Variants in TIAM2 observed in about 807,000 individuals in gnomAD.
TIAM2 encodes TIAM Rac1 associated GEF 2.
In TIAM2, 80 loss-of-function variants were observed where a neutral mutation model predicts 152.9. That is an observed-to-expected ratio of 0.52 (90% confidence interval 0.44 to 0.63). The LOEUF (loss-of-function observed/expected upper bound fraction) is 0.63, where lower values mean the gene tolerates loss of function less well. Among genes scored for constraint, TIAM2 ranks in the 30% least tolerant of loss-of-function variants. The probability of loss-of-function intolerance (pLI) is 0.00; values close to 1 mark genes in which losing one functional copy is unlikely to be tolerated. For missense variants in TIAM2, 1,965 were observed against 2,120.1 expected, an observed-to-expected ratio of 0.93 and a Z score of 1.44; for synonymous variants, 804 against 838.0, an observed-to-expected ratio of 0.96 and a Z score of 0.70.
At chr6:155,146,954 T>C (rs1779833000) in intron 6 of TIAM2, among the ~76,000 whole-genome samples, 1 of 152,078 alleles carries the variant, frequency 6.6e-6, no homozygotes, top group Admixed American at 6.5e-5. Context: ...GGGGACTTAC[T>C]GTGTTCCCCA....
rs545771696 is a variant in TIAM2, at chr6:155,090,984, T to A, written c.-118+605T>A. On this transcript the variant is annotated intron_variant, in intron 2 of 26. Transcript: ENST00000682666. Reference sequence around the variant, plus strand: ...AACAGTTCCCCAGCGGCGTTTGAAATGGTGGCAGGTAGTTCCCTGGACTGT... The same window carrying A: ...AACAGTTCCCCAGCGGCGTTTGAAAAGGTGGCAGGTAGTTCCCTGGACTGT... Among the ~76,000 whole-genome samples, 98 of 152,240 alleles carry A rather than the reference T, an allele frequency of 6.4e-4. 1 individual carries two copies. The highest frequency in any genetic ancestry group is 2.2e-3 in the African/African-American group (93 of 41,550).
Position 155,179,407 on chromosome 6 carries a change from A to T in TIAM2, c.2658A>T (p.Leu886=), listed in dbSNP as rs1464682227. 6.2e-7 allele frequency: 1 copy of T among 1,613,798 alleles called. No homozygotes were observed. Among genetic ancestry groups the T allele is most frequent in the African/African-American group, 1.3e-5 (1 of 74,934 alleles). Reference sequence around the variant, plus strand: ...ATGATGAAATAGAAGTCTTTCCACTAAATGTTTATGACGTGCAGCTCACGA... The same window carrying T: ...ATGATGAAATAGAAGTCTTTCCACTTAATGTTTATGACGTGCAGCTCACGA... ...QVYDEIEVFP[L]NVYDVQLTKT... The change falls in exon 12 of 27, where the codon CTA becomes CTT. Residue 886 remains leucine, a synonymous_variant. Transcript: ENST00000682666.
At chr6:155,184,174 A>T (rs997882602) in intron 14 of TIAM2, among the ~76,000 whole-genome samples, 1 of 151,998 alleles carries the variant, frequency 6.6e-6, no homozygotes, top group Non-Finnish European at 1.5e-5. Flanking sequence ...TTTTTAGTAG[A>T]GGTGGGGTTT....
intron 23 of TIAM2, 150 bp downstream of exon 23, chr6:155,252,153 G>A (rs776423431): frequency 6.2e-5 from 39 of 626,572 alleles, no homozygotes; most frequent in South Asian, 8.2e-5. Context: ...TACTGAGAGC[G>A]TTTCTGAGTC....
At chr6:155,244,895 T>G (rs143194893) in intron 18 of TIAM2, 112 bp downstream of exon 18, 13 of 1,303,090 alleles carry the variant, frequency 1.0e-5, no homozygotes, top group Admixed American at 7.2e-5. Context: ...TATTGACTAT[T>G]TATTGTCCTG....
rs990062937 is a variant in TIAM2 at position 155,129,358 on chromosome 6, A to T, written c.135A>T (p.Gly45=). Residue 45 remains glycine (G), a synonymous_variant, in exon 4 of 27, where the codon GGA becomes GGT. Transcript: ENST00000682666. The surrounding 1 kb of genome is among the most constrained non-coding windows in gnomAD (Gnocchi z 4.8). ...CAAAAGAGGAAAAGTCATTGCATGG[A>T]TGGGGTCACGGAAGCAACGGAGCAG... ...IHAKEEKSLH[G]WGHGSNGAGY... The T allele has an allele frequency of 3.7e-6, 6 of 1,614,074 alleles. No individual in the cohort carries two copies. Among genetic ancestry groups the T allele is most frequent in the African/African-American group, 2.7e-5 (2 of 74,926 alleles).
At chr6:155,117,652 G>A (rs145270008) in intron 2 of TIAM2, among the ~76,000 whole-genome samples, 250 of 152,138 alleles carry the variant, frequency 1.6e-3, no homozygotes, top group Non-Finnish European at 2.9e-3. Flanking sequence ...CATGTTGATC[G>A]GGCTGGTCTC....
At chr6:155,049,732 T>C (rs1474659355) in intron 1 of TIAM2, among the ~76,000 whole-genome samples, 1 of 152,164 alleles carries the variant, frequency 6.6e-6, no homozygotes, top group Non-Finnish European at 1.5e-5. Flanking sequence ...GAAAATAGGG[T>C]AGTTGACTTC....
In TIAM2 at chr6:155,252,941, G is replaced by T; in HGVS notation, c.4120-7G>T. ...AACACTTTTCTTGGTGGGCCTTCAT[G>T]TTACAGCCCTCGAATTCCCGGCCTG... is the stretch of plus-strand genomic sequence containing the variant. On this transcript the variant is annotated splice_region_variant and splice_polypyrimidine_tract_variant and intron_variant, in intron 23 of 26. Transcript: ENST00000682666. 3 of 1,613,494 alleles carry T rather than the reference G, an allele frequency of 1.9e-6. No homozygotes were observed. Among genetic ancestry groups the T allele is most frequent in the Non-Finnish European group, 2.5e-6 (3 of 1,179,596 alleles).
intron 1 of TIAM2, among the ~76,000 whole-genome samples, chr6:155,028,498 G>A (rs1230936861): frequency 1.1e-5 from 1 of 87,308 alleles, no homozygotes; most frequent in Admixed American, 1.2e-4. Context: ...TATATATACT[G>A]TGTTACATAT....
chr6:155,064,753 C>A (rs77043130), intron 1 of TIAM2, among the ~76,000 whole-genome samples: 117 of 152,218 alleles, frequency 7.7e-4, no homozygotes, highest in Non-Finnish European at 1.2e-3. Context: ...TTCTTTCAGG[C>A]CGCATATTTA....
chr6:155,245,753 T>C, intron 19 of TIAM2, 22 bp downstream of exon 19: 1 of 1,353,868 alleles, frequency 7.4e-7, no homozygotes, highest in Admixed American at 3.1e-5. Flanking sequence ...ATGCCTTTTA[T>C]AGTTTTTTTT....
chr6:155,123,067 T>C (rs1779209507), intron 2 of TIAM2, among the ~76,000 whole-genome samples: 1 of 152,174 alleles, frequency 6.6e-6, no homozygotes, highest in Non-Finnish European at 1.5e-5. Context: ...AAAATATCTG[T>C]TCAATTTGTC....
At chr6:155,041,500 C>T (rs867537180) in intron 1 of TIAM2, among the ~76,000 whole-genome samples, 2 of 151,748 alleles carry the variant, frequency 1.3e-5, no homozygotes, top group Non-Finnish European at 2.9e-5. Context: ...ATATTGAGAG[C>T]GAGTAAAACA....
chr6:155,139,245 G>A (rs899576479), intron 5 of TIAM2, among the ~76,000 whole-genome samples: 7 of 152,212 alleles, frequency 4.6e-5, no homozygotes, highest in African/African-American at 1.7e-4. Context: ...CAACCGTGGA[G>A]GGCAGGCATC....
intron 15 of TIAM2, among the ~76,000 whole-genome samples, chr6:155,221,729 G>A (rs1296812002): frequency 2.6e-5 from 4 of 152,130 alleles, no homozygotes; most frequent in Non-Finnish European, 4.4e-5. Flanking sequence ...AGTGTCCCAT[G>A]TCTGTCCTCT....
chr6:154,998,594 C>T (rs995768108), intron 1 of TIAM2, among the ~76,000 whole-genome samples: 1 of 152,160 alleles, frequency 6.6e-6, no homozygotes, highest in Non-Finnish European at 1.5e-5. Flanking sequence ...TGTGAATTAT[C>T]ATGCAAGCAT....
chr6:155,118,966 A>T (rs1376492437), intron 2 of TIAM2, among the ~76,000 whole-genome samples: 2 of 151,076 alleles, frequency 1.3e-5, no homozygotes, highest in Non-Finnish European at 2.9e-5. Context: ...AAAAAAAAAA[A>T]TCTTGTACTT....
At chr6:155,054,648 T>C (rs193293130) in intron 1 of TIAM2, among the ~76,000 whole-genome samples, 1 of 152,176 alleles carries the variant, frequency 6.6e-6, no homozygotes, top group Admixed American at 6.5e-5. Flanking sequence ...TGGCTAGATC[T>C]TGGCTCACTG....
Sources: allele counts gnomAD v4.1 joint callset (sites outside exome capture counted in the v4.1 genomes callset), GRCh38; gene constraint gnomAD v4.1.1; non-coding constraint Gnocchi (gnomAD v3.1); transcripts MANE v1.5; gene names NCBI Gene and HGNC (gene_info 2026-07-23, HGNC 2026-07-21).